Variants in KLHL20 observed in about 807,000 individuals in gnomAD.
KLHL20 encodes the protein kelch like family member 20.
KLHL20 carries 29 observed loss-of-function variants against 69.5 expected under a neutral mutation model. The observed-to-expected ratio is 0.42, with a 90% CI of 0.31 to 0.57. The LOEUF (loss-of-function observed/expected upper bound fraction) is 0.57. Among genes scored for constraint, KLHL20 ranks in the 20% least tolerant of loss-of-function variants. KLHL20 has a pLI of 0.18. For synonymous variants in KLHL20, 253 were observed against 265.2 expected, an observed-to-expected ratio of 0.95 and a Z score of 0.45; for missense variants, 419 against 776.0, an observed-to-expected ratio of 0.54 and a Z score of 5.47.
At chr1:173,773,048 C>G (rs1454138036) in intron 8 of KLHL20, among the ~76,000 whole-genome samples, 1 of 152,142 alleles carries the variant, frequency 6.6e-6, no homozygotes, top group African/African-American at 2.4e-5. Context: ...GCAATAATAG[C>G]TCACAACTGT....
rs1368089934 is a variant in KLHL20, at chr1:173,730,665, G to GT, written c.24-3047dup. 2.0e-5 allele frequency among the ~76,000 whole-genome samples: 3 copies of GT among 152,144 alleles called. No individual in the cohort carries two copies. In the East Asian group the frequency reaches 5.8e-4, roughly 29 times the overall value. ...ATGGTGCTGGGAAAACTGGCTAGCT[G>GT]TATGTAGAAACCTGAAACTGGATCC... is the stretch of plus-strand genomic sequence containing the variant. On this transcript the variant is annotated intron_variant, in intron 2 of 11. Coordinates refer to ENST00000209884, the MANE Select transcript of KLHL20 (RefSeq NM_014458.4).
At position 173,733,716 on chromosome 1, in the gene KLHL20, T is replaced by C. The variant is rs745885634; in HGVS notation, c.27T>C (p.Cys9=). Residue 9 remains cysteine, a synonymous_variant, in exon 3 of 12, where the codon TGT becomes TGC. Coordinates refer to ENST00000209884, the MANE Select transcript of KLHL20 (RefSeq NM_014458.4). ...CTCTCCCCCATCATTCCTATAGGTGTACCAACATTCGACCAGGAGAGACTG... is the reference window on the plus strand; with the variant it reads ...CTCTCCCCCATCATTCCTATAGGTGCACCAACATTCGACCAGGAGAGACTG... MEGKPMRR[C]TNIRPGETGM... is the part of the protein sequence containing the mutation. 6.2e-7 allele frequency: 1 copy of C among 1,611,156 alleles called. No homozygotes were observed. The highest frequency in any genetic ancestry group is 8.5e-7 in the Non-Finnish European group (1 of 1,178,070).
At chr1:173,753,855 A>G (rs927609066) in intron 5 of KLHL20, among the ~76,000 whole-genome samples, 2 of 152,232 alleles carry the variant, frequency 1.3e-5, no homozygotes, top group Admixed American at 6.5e-5. Context: ...AGGGGGGGAA[A>G]AAAGCAACCT....
In KLHL20 at chr1:173,774,071, G is replaced by A. The variant is rs538407780; in HGVS notation, c.1296-234G>A. On this transcript the variant is annotated intron_variant, in intron 8 of 11. Transcript: ENST00000209884. ...GTTATGTGAGCTGAAGTCATAGGTT[G>A]TTTTCTTTCCTTGGGACATTTTCCA... Among the ~76,000 whole-genome samples the A allele has an allele frequency of 1.3e-4, 19 of 151,652 alleles. No homozygotes were observed. In the East Asian group the frequency reaches 3.5e-3, roughly 28 times the overall value.
At chr1:173,772,507 ATGAAG>A (rs1648158565) in intron 8 of KLHL20, among the ~76,000 whole-genome samples, 2 of 152,342 alleles carry the variant, frequency 1.3e-5, no homozygotes, top group East Asian at 3.9e-4. Context: ...AAAACATAAA[ATGAAG>A]TGAACATATA....
At chr1:173,764,551 A>C (rs1558214106) in intron 7 of KLHL20, among the ~76,000 whole-genome samples, 1 of 152,236 alleles carries the variant, frequency 6.6e-6, no homozygotes, top group African/African-American at 2.4e-5. Flanking sequence ...GCCATAAAAA[A>C]GGAATGAATT....
At chr1:173,741,948 A>G (rs1359478780) in intron 3 of KLHL20, 1 of 890,402 alleles carries the variant, frequency 1.1e-6, no homozygotes, top group Non-Finnish European at 1.8e-6. Context: ...CTGAATCAAG[A>G]TAAGTGGGAA....
intron 2 of KLHL20, among the ~76,000 whole-genome samples, chr1:173,726,849 C>T (rs1231281453): frequency 6.6e-6 from 1 of 152,202 alleles, no homozygotes; most frequent in Non-Finnish European, 1.5e-5. Flanking sequence ...ACCTCTCCTC[C>T]TCCAAAGGAA....
At chr1:173,777,935 T>G (rs536418539) in intron 10 of KLHL20, among the ~76,000 whole-genome samples, 1 of 152,360 alleles carries the variant, frequency 6.6e-6, no homozygotes, top group Admixed American at 6.5e-5. Context: ...TAAAGTGAGT[T>G]TGGAAGTGTT....
chr1:173,715,637 C>A (rs1311505377), intron 1 of KLHL20: 2 of 169,736 alleles, frequency 1.2e-5, no homozygotes, highest in African/African-American at 4.8e-5. Context: ...GCCTCGTGTA[C>A]CCTATGTGAT....
intron 2 of KLHL20, among the ~76,000 whole-genome samples, chr1:173,725,576 C>G (rs1558181473): frequency 2.0e-5 from 3 of 152,190 alleles, no homozygotes; most frequent in Admixed American, 1.3e-4. Context: ...ACCCCACCAC[C>G]TTTTTGTCCA....
intron 7 of KLHL20, among the ~76,000 whole-genome samples, chr1:173,762,187 C>G (rs904614838): frequency 6.6e-6 from 1 of 152,014 alleles, no homozygotes; most frequent in Non-Finnish European, 1.5e-5. Context: ...ATTAGATACC[C>G]TGAACAGACC....
intron 2 of KLHL20, among the ~76,000 whole-genome samples, chr1:173,723,100 A>G (rs552564116): frequency 1.3e-5 from 2 of 152,354 alleles, no homozygotes; most frequent in South Asian, 4.1e-4. Context: ...ATCTTTATGT[A>G]TGTAACTAAG....
At chr1:173,739,548 T>C (rs112481361) in intron 3 of KLHL20, among the ~76,000 whole-genome samples, 2,090 of 152,236 alleles carry the variant, frequency 0.014, 48 homozygotes, top group African/African-American at 0.046. Context: ...CAGGAACTTA[T>C]CCATCTCCTC....
At chr1:173,784,166 A>G (rs1427289670) in intron 11 of KLHL20, among the ~76,000 whole-genome samples, 1 of 152,204 alleles carries the variant, frequency 6.6e-6, no homozygotes, top group Admixed American at 6.5e-5. Context: ...ATACCAGTAG[A>G]TGGAAGTGCT....
intron 1 of KLHL20, 34 bp from the exon 2 acceptor site, chr1:173,715,969 C>T: frequency 7.0e-7 from 1 of 1,428,874 alleles, no homozygotes; most frequent in Non-Finnish European, 9.8e-7. Context: ...TCAGAAATAG[C>T]TTTTATTAAG....
intron 3 of KLHL20, among the ~76,000 whole-genome samples, chr1:173,746,531 T>C (rs2102491419): frequency 6.6e-6 from 1 of 152,286 alleles, no homozygotes; most frequent in East Asian, 1.9e-4. Context: ...GGTTTTCAAA[T>C]TTATCTGTAT....
At chr1:173,779,481 G>C (rs1648711081) in intron 10 of KLHL20, among the ~76,000 whole-genome samples, 1 of 151,658 alleles carries the variant, frequency 6.6e-6, no homozygotes, top group African/African-American at 2.4e-5. Context: ...CTCCCGAGTA[G>C]CTGGGAGTAC....
At chr1:173,759,400 C>T (rs942999486) in intron 7 of KLHL20, among the ~76,000 whole-genome samples, 5 of 152,170 alleles carry the variant, frequency 3.3e-5, no homozygotes, top group African/African-American at 1.2e-4. Context: ...TTCTGGAAAG[C>T]ACCACCTCCT....
Sources: allele counts gnomAD v4.1 joint callset (sites outside exome capture counted in the v4.1 genomes callset), GRCh38; gene constraint gnomAD v4.1.1; transcripts MANE v1.5; gene names NCBI Gene and HGNC (gene_info 2026-07-23, HGNC 2026-07-21).